Variants in PNLDC1 observed in about 807,000 individuals in gnomAD.
The protein encoded by PNLDC1 is poly(A)-specific ribonuclease PNLDC1.
A neutral mutation model predicts 82.0 loss-of-function variants in PNLDC1; 70 were observed. The observed-to-expected ratio is 0.85, with a 90% CI of 0.70 to 1.04. PNLDC1 has a LOEUF of 1.04. Among genes scored for constraint, PNLDC1 ranks in the 50% least tolerant of loss-of-function variants. PNLDC1 has a pLI of 0.00. For synonymous variants in PNLDC1, 280 were observed against 249.3 expected (o/e 1.12, Z -1.16); for missense variants, 631 against 661.1 (o/e 0.95, Z 0.50).
intron 11 of PNLDC1, among the ~76,000 whole-genome samples, chr6:159,813,113 A>T (rs2115048902): frequency 6.6e-6 from 1 of 152,356 alleles, no homozygotes; most frequent in East Asian, 1.9e-4. Flanking sequence ...CAAGTGAATT[A>T]TCCAGCAAGG....
intron 3 of PNLDC1, 65 bp from the exon 4 acceptor site, chr6:159,803,206 G>A (rs1781325667): frequency 3.3e-6 from 5 of 1,505,316 alleles, no homozygotes; most frequent in Non-Finnish European, 4.6e-6. Flanking sequence ...AGTTGTTTTT[G>A]TCTTTGTAGT....
intron 10 of PNLDC1, 101 bp downstream of exon 10, chr6:159,810,196 A>T (rs1946456966): frequency 9.6e-7 from 1 of 1,045,310 alleles, no homozygotes; most frequent in African/African-American, 1.6e-5. Context: ...TAAAATGCCC[A>T]TTCCTCCCCA....
chr6:159,816,117 C>CCCCCACCCCTCCCCCCCCACCCG (rs1781806869), intron 13 of PNLDC1, 84 bp downstream of exon 13: 2 of 1,028,542 alleles, frequency 1.9e-6, no homozygotes, highest in South Asian at 1.5e-5. Flanking sequence ...CCCTGGTTCC[C>CCCCCACCCCTCCCCCCCCACCCG]CCACACCCCT....
upstream of PNLDC1, chr6:159,800,252 G>A (rs1781184529): frequency 3.8e-6 from 3 of 790,874 alleles, no homozygotes; most frequent in Non-Finnish European, 4.8e-6. Context: ...GAAGCGCGTG[G>A]GCAGCACGTG....
At chr6:159,805,668 A>G (rs1319068886) in intron 6 of PNLDC1, 3 of 264,432 alleles carry the variant, frequency 1.1e-5, no homozygotes, top group Non-Finnish European at 2.3e-5. Context: ...TGAAAGCTGA[A>G]TAAAGAAGAC....
At position 159,819,191 on chromosome 6, in the gene PNLDC1, CCTGATCA is replaced by C; in HGVS notation, c.1434-61_1434-55del. Reference sequence around the variant, plus strand: ...CCCTGTATCTCTCTGACTCCACCCGCCTGATCACAGCAGGCGGCGCCATCCTGCTGCC... The same window carrying C: ...CCCTGTATCTCTCTGACTCCACCCGCCAGCAGGCGGCGCCATCCTGCTGCC... On this transcript the variant is annotated intron_variant, in intron 17 of 18. Transcript: ENST00000392167. The surrounding 1 kb of genome is among the most constrained non-coding windows in gnomAD (Gnocchi z 4.6). 1 of 1,611,076 alleles carries C rather than the reference CCTGATCA, an allele frequency of 6.2e-7. No homozygotes were observed. The highest frequency in any genetic ancestry group is 8.5e-7 in the Non-Finnish European group (1 of 1,178,042).
chr6:159,803,901 G>A, intron 4 of PNLDC1, 64 bp from the exon 5 acceptor site: 4 of 1,553,466 alleles, frequency 2.6e-6, no homozygotes, highest in Non-Finnish European at 3.5e-6. Flanking sequence ...CCTGAAGCCA[G>A]CCCTGGGAGC....
chr6:159,806,719 C>A (rs1781460555), intron 7 of PNLDC1, among the ~76,000 whole-genome samples: 1 of 152,100 alleles, frequency 6.6e-6, no homozygotes. Context: ...AAGTAATATT[C>A]TTGGTTGTAT....
intron 4 of PNLDC1, among the ~76,000 whole-genome samples, chr6:159,803,678 AC>A (rs769783204): frequency 1.6e-4 from 24 of 151,476 alleles, no homozygotes; most frequent in Non-Finnish European, 2.8e-4. Flanking sequence ...ATGCCTCCCC[AC>A]CCCCCATGAG....
At chr6:159,810,131 T>C in intron 10 of PNLDC1, 36 bp downstream of exon 10, 1 of 1,575,366 alleles carries the variant, frequency 6.3e-7, no homozygotes, top group Non-Finnish European at 8.7e-7. Context: ...TCCTTCACGC[T>C]AGTTTGCCAT....
Position 159,801,186 on chromosome 6 carries a change from G to A in PNLDC1, c.208G>A (p.Gly70Arg), listed in dbSNP as rs1270942182. Reference sequence around the variant, plus strand: ...TCAGCAATTTACAGTCTGTCAGATTGGTGAGTTTAATATCAGCTGTTAGAG... The same window carrying A: ...TCAGCAATTTACAGTCTGTCAGATTAGTGAGTTTAATATCAGCTGTTAGAG... Reference protein sequence around the residue: ...SVQQFTVCQIGLSVFSAIEGE... With the variant: ...SVQQFTVCQIRLSVFSAIEGE... The change falls in exon 3 of 19, where the codon GGA (glycine) becomes AGA (arginine). Residue 70 changes from glycine (G) to arginine (R), a missense_variant and splice_region_variant. Coordinates refer to ENST00000392167, the MANE Select transcript of PNLDC1 (RefSeq NM_001271862.2). 1 of 1,613,350 alleles carries A rather than the reference G, an allele frequency of 6.2e-7. No homozygotes were observed. Among genetic ancestry groups the A allele is most frequent in the Non-Finnish European group, 8.5e-7 (1 of 1,179,310 alleles).
rs1781977929 is a variant in PNLDC1 at position 159,819,874 on chromosome 6, G to GC, written c.1532+528dup. Among the ~76,000 whole-genome samples, 1 of 152,040 alleles carries GC rather than the reference G, an allele frequency of 6.6e-6. No individual in the cohort carries two copies. The highest frequency in any genetic ancestry group is 2.4e-5 in the African/African-American group (1 of 41,392). ...GGGGGATGCAGGAGAAGGAACCAGT[G>GC]CCCCCCAGCTGGGGGCCACCCAGGG... On this transcript the variant is annotated intron_variant, in intron 18 of 18. Coordinates refer to ENST00000392167, the MANE Select transcript of PNLDC1 (RefSeq NM_001271862.2). The surrounding 1 kb of genome is among the most constrained non-coding windows in gnomAD (Gnocchi z 4.6).
intron 14 of PNLDC1, among the ~76,000 whole-genome samples, 160 bp downstream of exon 14, chr6:159,816,756 C>T (rs753974554): frequency 6.6e-6 from 1 of 152,068 alleles, no homozygotes; most frequent in Non-Finnish European, 1.5e-5. Flanking sequence ...CCTCAGCTTC[C>T]CGAGTAGCTG....
intron 12 of PNLDC1, among the ~76,000 whole-genome samples, chr6:159,814,018 A>G (rs1263304707): frequency 2.6e-5 from 4 of 151,372 alleles, no homozygotes; most frequent in African/African-American, 7.3e-5. Flanking sequence ...CTGCTCAGCA[A>G]CTCCCCACCC....
At chr6:159,818,751 G>C in intron 16 of PNLDC1, 97 bp downstream of exon 16, 1 of 1,311,940 alleles carries the variant, frequency 7.6e-7, no homozygotes, top group African/African-American at 1.5e-5. Context: ...GAGGGATTTC[G>C]GTGGTCGGTG....
intron 11 of PNLDC1, 122 bp from the exon 12 acceptor site, chr6:159,813,479 A>G (rs1781709343): frequency 7.4e-6 from 6 of 815,544 alleles, no homozygotes; most frequent in Non-Finnish European, 1.3e-5. Flanking sequence ...ATTTGAAGAG[A>G]AAGAGGAGGT....
In PNLDC1 at chr6:159,819,298, G is replaced by A. The variant is rs778966746; in HGVS notation, c.1478G>A (p.Cys493Tyr). 2.5e-6 allele frequency: 4 copies of A among 1,613,940 alleles called. No homozygotes were observed. Among genetic ancestry groups the A allele is most frequent in the Non-Finnish European group, 3.4e-6 (4 of 1,180,032 alleles). The change falls in exon 18 of 19, where the codon TGC (cysteine) becomes TAC (tyrosine). Residue 493 changes from cysteine (C) to tyrosine (Y), a missense_variant. Physicochemically the swap from Cys to Tyr is radical, Grantham distance 194. Coordinates refer to ENST00000392167, the MANE Select transcript of PNLDC1 (RefSeq NM_001271862.2). This position sits in a 1 kb window ranked among gnomAD's most constrained non-coding sequence, Gnocchi z 4.6. Reference sequence around the variant, plus strand: ...GAGTACCGGGACCACCCGACCCTGTGCATCTCCCTGTACCGCTACTGGAGG... The same window carrying A: ...GAGTACCGGGACCACCCGACCCTGTACATCTCCCTGTACCGCTACTGGAGG... The part of the protein sequence containing the change: ...LKEYRDHPTL[C>Y]ISLYRYWRHS...
chr6:159,800,243 A>C, upstream of PNLDC1: 1 of 1,455,986 alleles, frequency 6.9e-7, no homozygotes, highest in Non-Finnish European at 9.3e-7. Context: ...GGCGCGACGG[A>C]AGCGCGTGGG....
intron 3 of PNLDC1, among the ~76,000 whole-genome samples, chr6:159,802,514 T>TG (rs1253429459): frequency 6.6e-6 from 1 of 152,212 alleles, no homozygotes; most frequent in Non-Finnish European, 1.5e-5. Context: ...TTGTTTGTTT[T>TG]TAATTATAAG....
Sources: allele counts gnomAD v4.1 joint callset (sites outside exome capture counted in the v4.1 genomes callset), GRCh38; gene constraint gnomAD v4.1.1; non-coding constraint Gnocchi (gnomAD v3.1); transcripts MANE v1.5; gene names NCBI Gene and HGNC (gene_info 2026-07-23, HGNC 2026-07-21).